Variants in ZFR2 observed in about 807,000 individuals in gnomAD.
The protein encoded by ZFR2 is zinc finger RNA-binding protein 2.
ZFR2 carries 104 observed loss-of-function variants against 105.7 expected under a neutral mutation model. The observed-to-expected ratio is 0.98, with a 90% confidence interval of 0.84 to 1.16. The LOEUF (loss-of-function observed/expected upper bound fraction) is 1.16, where lower values mean the gene tolerates loss of function less well. Ranked by LOEUF, ZFR2 falls within the 50% of genes most tolerant of loss-of-function variation. The probability of loss-of-function intolerance (pLI) is 0.00; values close to 1 mark genes in which losing one functional copy is unlikely to be tolerated. For missense variants in ZFR2, 1,425 were observed against 1,355.5 expected, an observed-to-expected ratio of 1.05 and a Z score of -0.80; for synonymous variants, 634 against 597.7, an observed-to-expected ratio of 1.06 and a Z score of -0.89.
At chr19:3,806,625 C>T (rs1476060779) in intron 18 of ZFR2, among the ~76,000 whole-genome samples, 1 of 152,124 alleles carries the variant, frequency 6.6e-6, no homozygotes, top group Non-Finnish European at 1.5e-5. Context: ...CGCGTGGTGC[C>T]GGCTGACCAC....
intron 1 of ZFR2, among the ~76,000 whole-genome samples, chr19:3,859,199 T>G (rs2038341746): frequency 6.6e-6 from 1 of 152,178 alleles, no homozygotes; most frequent in South Asian, 2.1e-4. Flanking sequence ...TTCATCTTTC[T>G]CCCATGCTGG....
chr19:3,808,484 C>T (rs1345862413), intron 17 of ZFR2, among the ~76,000 whole-genome samples: 4 of 152,274 alleles, frequency 2.6e-5, no homozygotes, highest in East Asian at 3.8e-4. Context: ...GCCCTCTGTC[C>T]TCTGAGCTCC....
At chr19:3,841,330 T>C (rs187877624) in intron 1 of ZFR2, among the ~76,000 whole-genome samples, 1 of 152,288 alleles carries the variant, frequency 6.6e-6, no homozygotes. Context: ...TGGGTCTGAT[T>C]TGTGGTCTCA....
At chr19:3,856,632 C>T (rs1052692478) in intron 1 of ZFR2, among the ~76,000 whole-genome samples, 1 of 152,146 alleles carries the variant, frequency 6.6e-6, no homozygotes, top group African/African-American at 2.4e-5. Context: ...AATGGGAACA[C>T]CTAATTTGGT....
rs995026929 is a variant in ZFR2, at chr19:3,830,199, G to A, written c.852+1104C>T. On this transcript the variant is annotated intron_variant, in intron 5 of 18. Transcript: ENST00000262961. ...TGCACCTGTAATCCCAGCTACTCAG[G>A]AGGCTGAGGTAGGAGGATCGCTTGG... Among the ~76,000 whole-genome samples the A allele has an allele frequency of 5.9e-5, 9 of 152,238 alleles. 1 individual carries two copies. The highest frequency in any genetic ancestry group is 3.3e-4 in the Admixed American group (5 of 15,284).
chr19:3,808,829 G>C lies in ZFR2; in HGVS notation c.2545+43C>G, dbSNP rs1225245224. 5.4e-6 allele frequency: 8 copies of C among 1,486,900 alleles called. No homozygotes were observed. The South Asian group carries it at 8.8e-5, about 16-fold the overall frequency. The allele number at this position is 1,486,900 out of a possible 1,614,324, so 92.1% of individuals were successfully genotyped here. A position where few individuals can be genotyped will look rare whatever the true frequency, so the allele number is the denominator to read the frequency against. On this transcript the variant is annotated intron_variant, in intron 17 of 18. Coordinates refer to ENST00000262961, the MANE Select transcript of ZFR2 (RefSeq NM_015174.2). ...CATGGCCACGGGCCCTGGTCTCTGC[G>C]ATTTGCCGCCCACCTCCTGGGCCCT... is the stretch of plus-strand genomic sequence containing the variant.
intron 1 of ZFR2, among the ~76,000 whole-genome samples, chr19:3,847,356 T>G (rs2038194361): frequency 6.6e-6 from 1 of 151,964 alleles, no homozygotes; most frequent in African/African-American, 2.4e-5. Context: ...AAAGCCCATC[T>G]CTACTAAAAA....
Position 3,868,871 on chromosome 19 carries a change from G to C in ZFR2, c.53+94C>G, listed in dbSNP as rs1477336433. On this transcript the variant is annotated intron_variant, in intron 1 of 18. Transcript: ENST00000262961. The stretch of plus-strand genomic sequence containing the variant: ...CAGGTTGGGGCTGGGACTGGGGCCG[G>C]GCCGGGCGCACGCGGCGGGAGAAGG... 2.8e-6 allele frequency: 3 copies of C among 1,062,238 alleles called. No homozygotes were observed. The East Asian group carries it at 1.0e-4, about 35-fold the overall frequency. 65.8% of individuals were successfully genotyped at this position (1,062,238 alleles called of 1,614,324 possible).
At chr19:3,847,914 C>T (rs769807036) in intron 1 of ZFR2, among the ~76,000 whole-genome samples, 29 of 152,264 alleles carry the variant, frequency 1.9e-4, no homozygotes, top group Admixed American at 1.0e-3. Flanking sequence ...AGGAGAGGGG[C>T]GGAGTCCAAA....
At chr19:3,816,421 T>G (rs2037825158) in intron 13 of ZFR2, among the ~76,000 whole-genome samples, 1 of 151,640 alleles carries the variant, frequency 6.6e-6, no homozygotes, top group Non-Finnish European at 1.5e-5. Context: ...AATTTCTGTA[T>G]TTTTAGTAGA....
At chr19:3,868,362 T>C (rs372069920) in intron 1 of ZFR2, among the ~76,000 whole-genome samples, 2 of 125,056 alleles carry the variant, frequency 1.6e-5, no homozygotes, top group South Asian at 2.7e-4. Flanking sequence ...CAGGTCTGTG[T>C]CTTCTCCTCC....
chr19:3,867,846 C>T (rs2038450199), intron 1 of ZFR2, among the ~76,000 whole-genome samples: 1 of 151,778 alleles, frequency 6.6e-6, no homozygotes, highest in Non-Finnish European at 1.5e-5. Flanking sequence ...TCTCCTCCAC[C>T]CCACATCAGG....
At chr19:3,821,577 C>A (rs1599228644) in intron 9 of ZFR2, 98 bp from the exon 10 acceptor site, 1 of 899,920 alleles carries the variant, frequency 1.1e-6, no homozygotes, top group Non-Finnish European at 1.5e-6. Flanking sequence ...GAGACTAGAA[C>A]TGTTGGGCTG....
rs770868797 is a variant in ZFR2 at position 3,806,130 on chromosome 19, G to A, written c.2644-5C>T. Reference sequence around the variant, plus strand: ...GGCCAGCATTCGCAGGGCGTGCTGCGGGGCACACACAGCCTGTCAGGACCC... The same window carrying A: ...GGCCAGCATTCGCAGGGCGTGCTGCAGGGCACACACAGCCTGTCAGGACCC... On this transcript the variant is annotated splice_region_variant and splice_polypyrimidine_tract_variant and intron_variant, in intron 18 of 18. Transcript: ENST00000262961. The A allele has an allele frequency of 2.6e-5, 37 of 1,438,820 alleles. No individual in the cohort carries two copies. Among genetic ancestry groups the A allele is most frequent in the South Asian group, 1.3e-4 (9 of 69,168 alleles). 89.1% of individuals were successfully genotyped at this position (1,438,820 alleles called of 1,614,324 possible). A position where few individuals can be genotyped will look rare whatever the true frequency, so the allele number is the denominator to read the frequency against.
intron 1 of ZFR2, among the ~76,000 whole-genome samples, chr19:3,854,719 A>G (rs1037351910): frequency 1.3e-5 from 2 of 152,298 alleles, no homozygotes; most frequent in Non-Finnish European, 2.9e-5. Flanking sequence ...TTGCAGAGAA[A>G]AAGAGTTGGG....
At chr19:3,835,619 C>T (rs1239088499) in intron 1 of ZFR2, among the ~76,000 whole-genome samples, 1 of 150,938 alleles carries the variant, frequency 6.6e-6, no homozygotes, top group Non-Finnish European at 1.5e-5. Flanking sequence ...AGGTGTGAGC[C>T]ACCACGCCCG....
At chr19:3,816,910 C>A in intron 12 of ZFR2, 65 bp from the exon 13 acceptor site, 1 of 1,439,454 alleles carries the variant, frequency 6.9e-7, no homozygotes, top group Non-Finnish European at 9.4e-7. Context: ...CAGCTGCCTC[C>A]CTCCTGAGCT....
At chr19:3,827,367 C>T in intron 6 of ZFR2, 104 bp downstream of exon 6, 1 of 1,354,524 alleles carries the variant, frequency 7.4e-7, no homozygotes, top group Non-Finnish European at 9.5e-7. Flanking sequence ...GGGGAGGCTT[C>T]TCCCAGCTCC....
chr19:3,829,101 A>G (rs1417912702), intron 5 of ZFR2, among the ~76,000 whole-genome samples: 1 of 151,752 alleles, frequency 6.6e-6, no homozygotes, highest in Non-Finnish European at 1.5e-5. Context: ...AGCTGGGACT[A>G]CAGGCGTCTG....
Sources: gnomAD v4.1 joint callset for allele counts (sites outside exome capture counted in the v4.1 genomes callset) on GRCh38, gnomAD v4.1.1 for gene constraint, MANE v1.5 for transcripts, NCBI Gene and HGNC (gene_info 2026-07-23, HGNC 2026-07-21) for gene names.